The following TTLL4 variants were observed in gnomAD, a reference collection of about 807,000 sequenced individuals.
TTLL4 encodes the protein tubulin monoglutamylase TTLL4.
In TTLL4, 85 loss-of-function variants were observed where a neutral mutation model predicts 122.7. The ratio of observed to expected loss-of-function variants is 0.69; its 90% CI spans 0.58 to 0.83. TTLL4 has a LOEUF of 0.83. TTLL4 is among the 40% of genes least tolerant of loss of function. The probability of loss-of-function intolerance (pLI) is 0.00; values close to 1 mark genes in which losing one functional copy is unlikely to be tolerated. For synonymous variants in TTLL4, 553 were observed against 563.0 expected, an observed-to-expected ratio of 0.98 and a Z score of 0.25; for missense variants, 1,363 against 1,488.6, an observed-to-expected ratio of 0.92 and a Z score of 1.39.
chr2:218,753,251 A>G, intron 18 of TTLL4, 66 bp downstream of exon 18: 1 of 1,573,386 alleles, frequency 6.4e-7, no homozygotes, highest in Non-Finnish European at 8.7e-7. Flanking sequence ...TTATGAGTGC[A>G]GCAGGAGTTG....
downstream of TTLL4, among the ~76,000 whole-genome samples, chr2:218,758,965 C>T (rs563370399): frequency 5.3e-5 from 8 of 152,338 alleles, no homozygotes; most frequent in South Asian, 4.1e-4. Flanking sequence ...AACAGAGGGC[C>T]GGGCGTGGTG....
At chr2:218,749,506 T>TC (rs1379615616) in intron 14 of TTLL4, 119 bp downstream of exon 14, 1 of 1,413,972 alleles carries the variant, frequency 7.1e-7, no homozygotes, top group East Asian at 2.4e-5. Context: ...TCTCGCTCTG[T>TC]CTCCCAGGCT....
intron 5 of TTLL4, among the ~76,000 whole-genome samples, chr2:218,740,932 G>A (rs965950829): frequency 2.6e-5 from 4 of 152,296 alleles, no homozygotes; most frequent in Non-Finnish European, 5.9e-5. Context: ...AATTAGCAAG[G>A]TATGGTGGTG....
At chr2:218,750,838 C>CAT (rs1383268589) in intron 15 of TTLL4, among the ~76,000 whole-genome samples, 3 of 152,158 alleles carry the variant, frequency 2.0e-5, no homozygotes, top group Non-Finnish European at 2.9e-5. Flanking sequence ...CTAGCTCATA[C>CAT]ACCTTCATGA....
rs1002261269 is a variant in TTLL4, at chr2:218,755,372, C to G, written c.*983C>G. 1 of 152,166 alleles carries G rather than the reference C, an allele frequency of 6.6e-6. No homozygotes were observed. The highest frequency in any genetic ancestry group is 1.5e-5 in the Non-Finnish European group (1 of 68,044). The allele number at this position is 152,166 out of a possible 1,614,324, so 9.4% of individuals were successfully genotyped here. ...ACTAAACTCTTGTACTGAACTGATTCTACCTCCCTCCTCTAGACTCAGTAA... is the reference window on the plus strand; with the variant it reads ...ACTAAACTCTTGTACTGAACTGATTGTACCTCCCTCCTCTAGACTCAGTAA... On this transcript the variant is annotated 3_prime_UTR_variant, in exon 20 of 20. Coordinates refer to ENST00000392102, the MANE Select transcript of TTLL4 (RefSeq NM_014640.5).
chr2:218,742,776 C>T (rs1942736672), intron 5 of TTLL4, among the ~76,000 whole-genome samples: 1 of 152,148 alleles, frequency 6.6e-6, no homozygotes. Context: ...TAACATCTTG[C>T]AGAAGTACAA....
At chr2:218,718,549 T>C (rs917403192) in intron 1 of TTLL4, among the ~76,000 whole-genome samples, 6 of 152,098 alleles carry the variant, frequency 3.9e-5, no homozygotes, top group Non-Finnish European at 5.9e-5. Flanking sequence ...TGGCTAGTTT[T>C]GTATTTTTAG....
chr2:218,725,484 A>G (rs1942163198), intron 1 of TTLL4, among the ~76,000 whole-genome samples: 1 of 152,200 alleles, frequency 6.6e-6, no homozygotes, highest in African/African-American at 2.4e-5. Flanking sequence ...AAAGAACCAT[A>G]AAAACATTCT....
At chr2:218,756,800 A>G (rs1417583281), downstream of TTLL4, among the ~76,000 whole-genome samples, 1 of 152,222 alleles carries the variant, frequency 6.6e-6, no homozygotes, top group African/African-American at 2.4e-5. Flanking sequence ...AATGAAGTGC[A>G]GGCTATTTCT....
At chr2:218,730,725 T>C (rs1330021886) in intron 2 of TTLL4, among the ~76,000 whole-genome samples, 1 of 151,924 alleles carries the variant, frequency 6.6e-6, no homozygotes, top group Non-Finnish European at 1.5e-5. Flanking sequence ...CTGCTCTCCC[T>C]GCCCCAACCT....
chr2:218,751,823 C>T lies in TTLL4; in HGVS notation c.2976+17C>T, dbSNP rs776863103. The T allele has an allele frequency of 3.8e-6, 6 of 1,597,940 alleles. No individual in the cohort carries two copies. The Admixed American group carries it at 5.1e-5, about 14-fold the overall frequency. ...CCTGATCAGGTAGGAGATTGGTCTTCCCCCCAGTGCTAGCAGAAAACTTCC... is the reference window on the plus strand; with the variant it reads ...CCTGATCAGGTAGGAGATTGGTCTTTCCCCCAGTGCTAGCAGAAAACTTCC... On this transcript the variant is annotated intron_variant, in intron 16 of 19. Coordinates refer to ENST00000392102, the MANE Select transcript of TTLL4 (RefSeq NM_014640.5).
rs1942866681 is a variant in TTLL4 at position 218,747,163 on chromosome 2, G to A, written c.2135G>A (p.Ser712Asn). ...AAGCTCCTGCGCAAAGCGTGGGAGA[G>A]CAGCAGCCGCCAAAAGTGGATTGTG... ...DAKLLRKAWESSSRQKWIVKP... is the reference protein window; with the variant it reads ...DAKLLRKAWENSSRQKWIVKP... Residue 712 changes from serine to asparagine, a missense_variant, in exon 9 of 20, where the codon AGC becomes AAC. By Grantham distance (46) the Ser-to-Asn change is conservative (BLOSUM62 1). This residue lies in a region of TTLL4 where 596 missense variants were observed against 655.8 expected (regional missense o/e 0.91). Transcript: ENST00000392102. This position sits in a 1 kb window ranked among gnomAD's most constrained non-coding sequence, Gnocchi z 4.7. 6.2e-7 allele frequency: 1 copy of A among 1,614,086 alleles called. No individual in the cohort carries two copies. Among genetic ancestry groups the A allele is most frequent in the Non-Finnish European group, 8.5e-7 (1 of 1,180,026 alleles).
At position 218,737,929 on chromosome 2, in the gene TTLL4, A is replaced by G. The variant is rs372893141; in HGVS notation, c.253A>G (p.Ser85Gly). Residue 85 changes from serine (S) to glycine (G), a missense_variant, in exon 3 of 20, where the codon AGC becomes GGC. Ser to Gly is a moderately conservative substitution (Grantham distance 56). This residue lies in a region of TTLL4 where 760 missense variants were observed against 808.4 expected (regional missense o/e 0.94). Transcript: ENST00000392102. ...CCAGCCAGCATATTTCTTTTGCCCC[A>G]GCACTTTATGTAGCTCTGGGACCAC... ...PPQPAYFFCP[S>G]TLCSSGTTAV... 2.0e-5 allele frequency: 33 copies of G among 1,614,098 alleles called. No individual in the cohort carries two copies. The highest frequency in any genetic ancestry group is 2.6e-5 in the Non-Finnish European group (31 of 1,180,046).
At position 218,745,530 on chromosome 2, in the gene TTLL4, CT is replaced by C. The variant is rs1942816993; in HGVS notation, c.1787-158del. 5 of 653,172 alleles carry C rather than the reference CT, an allele frequency of 7.7e-6. No individual in the cohort carries two copies. In the South Asian group the frequency reaches 9.4e-5, roughly 12 times the overall value. 40.5% of individuals were successfully genotyped at this position (653,172 alleles called of 1,614,324 possible). On this transcript the variant is annotated intron_variant, in intron 6 of 19. Coordinates refer to ENST00000392102, the MANE Select transcript of TTLL4 (RefSeq NM_014640.5). ...TCCTCATTCCTGCACAGCCCCTCTT[CT>C]TTCCCAAAGTGTGCTCCTCTGAAAC...
chr2:218,741,296 AT>A (rs1942694000), intron 5 of TTLL4, among the ~76,000 whole-genome samples: 1 of 152,206 alleles, frequency 6.6e-6, no homozygotes, highest in Non-Finnish European at 1.5e-5. Flanking sequence ...AAGTGCTCGG[AT>A]TATAGGGCTG....
chr2:218,730,328 AAAAAAAAAAAAAAAAAAAAAAG>A (rs1942338221), intron 2 of TTLL4, among the ~76,000 whole-genome samples: 1 of 41,828 alleles, frequency 2.4e-5, no homozygotes, highest in Admixed American at 2.2e-4. Flanking sequence ...AAAAAAAAAA[AAAAAAAAAAAAAAAAAAAAAAG>A]AAAAAAAATT....
At chr2:218,724,547 T>C (rs1575161986) in intron 1 of TTLL4, among the ~76,000 whole-genome samples, 1 of 152,334 alleles carries the variant, frequency 6.6e-6, no homozygotes, top group East Asian at 1.9e-4. Flanking sequence ...GTGCTTGGCT[T>C]ATTTTACTTT....
At chr2:218,750,189 A>G (rs1458369551) in intron 15 of TTLL4, 43 bp downstream of exon 15, 2 of 1,602,352 alleles carry the variant, frequency 1.2e-6, no homozygotes, top group Non-Finnish European at 1.7e-6. Context: ...CAGCATGAGT[A>G]GCCCTGCTAT....
intron 1 of TTLL4, among the ~76,000 whole-genome samples, chr2:218,722,893 T>C (rs941213139): frequency 2.0e-5 from 3 of 152,252 alleles, no homozygotes; most frequent in African/African-American, 7.2e-5. Context: ...GAAGATCTGC[T>C]GAGGTCAGGG....
Sources: allele counts gnomAD v4.1 joint callset (sites outside exome capture counted in the v4.1 genomes callset), GRCh38; gene constraint gnomAD v4.1.1; regional missense constraint gnomAD v4.1.1; non-coding constraint Gnocchi (gnomAD v3.1); transcripts MANE v1.5; gene names NCBI Gene and HGNC (gene_info 2026-07-23, HGNC 2026-07-21).